Variants in ALDH3B2 observed in about 807,000 individuals in gnomAD.
ALDH3B2 encodes aldehyde dehydrogenase 3 family member B2.
In ALDH3B2, 45 loss-of-function variants were observed where a neutral mutation model predicts 36.7. The observed-to-expected ratio is 1.23, with a 90% CI of 0.97 to 1.57. The LOEUF (loss-of-function observed/expected upper bound fraction) is 1.57, where lower values mean the gene tolerates loss of function less well. Ranked by LOEUF, ALDH3B2 falls within the 40% of genes most tolerant of loss-of-function variation. The pLI, the probability that ALDH3B2 is intolerant of heterozygous loss-of-function variation, is 0.00. For synonymous variants in ALDH3B2, 217 were observed against 226.5 expected (o/e 0.96, Z 0.38); for missense variants, 464 against 513.3 (o/e 0.90, Z 0.93).
upstream of ALDH3B2, among the ~76,000 whole-genome samples, chr11:67,677,780 C>G (rs1264404932): frequency 6.6e-6 from 1 of 152,050 alleles, no homozygotes; most frequent in Non-Finnish European, 1.5e-5. Context: ...TTAATGTACA[C>G]AAATCAGTAG....
upstream of ALDH3B2, among the ~76,000 whole-genome samples, chr11:67,675,170 C>A (rs1258867633): frequency 6.6e-6 from 1 of 152,208 alleles, no homozygotes; most frequent in African/African-American, 2.4e-5. Context: ...TGGGCGACGG[C>A]ACCTGTAGCT....
exon 7 of ALDH3B2, chr11:67,665,426 G>T: frequency 6.2e-7 from 1 of 1,614,096 alleles, no homozygotes; most frequent in South Asian, 1.1e-5. Context: ...CCATAGAAAC[G>T]GGTGATGGTG....
At chr11:67,666,926 C>T (rs1855937206) in exon 3 of ALDH3B2, 1 of 1,614,086 alleles carries the variant, frequency 6.2e-7, no homozygotes, top group African/African-American at 1.3e-5. Context: ...GACCGTGGTT[C>T]ATCCTTCATC....
chr11:67,666,398 C>T (rs1551888), exon 5 of ALDH3B2: 1,441,273 of 1,606,220 alleles, frequency 0.9, 648,247 homozygotes, highest in South Asian at 0.95. Flanking sequence ...CACCACGCAA[C>T]TCCCTGCAGG....
At chr11:67,678,352 A>G (rs938655472), upstream of ALDH3B2, among the ~76,000 whole-genome samples, 2 of 152,210 alleles carry the variant, frequency 1.3e-5, no homozygotes, top group African/African-American at 2.4e-5. Flanking sequence ...ACAAATAAAC[A>G]AAAACATAAA....
chr11:67,664,610 C>G (rs1855846619), intron 7 of ALDH3B2, 48 bp from the exon 8 acceptor site: 1 of 1,602,292 alleles, frequency 6.2e-7, no homozygotes, highest in African/African-American at 1.3e-5. Context: ...GTCAGGACTG[C>G]CCCCAGGGGT....
At chr11:67,672,102 TTGTGTGTGTG>T (rs71058721) in intron 1 of ALDH3B2, among the ~76,000 whole-genome samples, 7 of 49,978 alleles carry the variant, frequency 1.4e-4, no homozygotes, top group African/African-American at 2.1e-4. Context: ...TGTATGTATT[TTGTGTGTGTG>T]TGTGTGTGTG....
exon 2 of ALDH3B2, chr11:67,667,566 G>T: frequency 2.6e-6 from 1 of 382,022 alleles, no homozygotes; most frequent in Non-Finnish European, 4.6e-6. Context: ...CCCGGAACTC[G>T]GCCGGCCGCG....
At chr11:67,673,323 C>A (rs1338744809) in intron 1 of ALDH3B2, among the ~76,000 whole-genome samples, 3 of 152,192 alleles carry the variant, frequency 2.0e-5, no homozygotes, top group Non-Finnish European at 4.4e-5. Context: ...CATAGGTGAC[C>A]ACCCCAGACT....
intron 1 of ALDH3B2, chr11:67,671,359 T>G (rs937164377): frequency 1.3e-5 from 2 of 152,296 alleles, no homozygotes; most frequent in Admixed American, 1.3e-4. Context: ...GGGCTGGAGC[T>G]GGACCCAAGC....
At chr11:67,665,819 T>C in intron 6 of ALDH3B2, 148 bp from the exon 7 acceptor site, 2 of 1,272,866 alleles carry the variant, frequency 1.6e-6, no homozygotes, top group East Asian at 4.7e-5. Flanking sequence ...CAACTGGCCT[T>C]GACCACACAC....
intron 6 of ALDH3B2, among the ~76,000 whole-genome samples, chr11:67,665,891 C>G (rs1855894273): frequency 6.6e-6 from 1 of 152,180 alleles, no homozygotes; most frequent in Admixed American, 6.5e-5. Context: ...TCACCCTTCT[C>G]CTGGCCGGTC....
At position 67,665,959 on chromosome 11, in the gene ALDH3B2, A is replaced by G. The variant is rs567664358; in HGVS notation, c.319+163T>C. Among the ~76,000 whole-genome samples the G allele has an allele frequency of 3.3e-5, 5 of 152,238 alleles. No homozygotes were observed. In the East Asian group the frequency reaches 9.6e-4, roughly 29 times the overall value. On this transcript the variant is annotated intron_variant, in intron 6 of 9. Coordinates refer to ENST00000349015, the Ensembl canonical transcript of ALDH3B2. ...GCCACTCCTGGATCCAGTTGCTGCAATGTGCCCAGGGCGTGGCCTATGCAG... is the reference window on the plus strand; with the variant it reads ...GCCACTCCTGGATCCAGTTGCTGCAGTGTGCCCAGGGCGTGGCCTATGCAG...
At chr11:67,680,132 G>A (rs887093132) in intron 1 of ALDH3B2, among the ~76,000 whole-genome samples, 1 of 152,054 alleles carries the variant, frequency 6.6e-6, no homozygotes, top group Non-Finnish European at 1.5e-5. Flanking sequence ...TGACCAACAT[G>A]ATGAAACCCC....
At chr11:67,674,831 T>C (rs1856230019), upstream of ALDH3B2, 1 of 152,288 alleles carries the variant, frequency 6.6e-6, no homozygotes, top group African/African-American at 2.4e-5. Context: ...TGCTCTGTGT[T>C]TCCTGGAATG....
At chr11:67,675,244 C>T (rs925473269), upstream of ALDH3B2, among the ~76,000 whole-genome samples, 4 of 152,160 alleles carry the variant, frequency 2.6e-5, no homozygotes, top group Admixed American at 6.5e-5. Flanking sequence ...GGTTACTTAA[C>T]GTCTCTGAGC....
At chr11:67,676,545 C>G (rs1337764811), upstream of ALDH3B2, among the ~76,000 whole-genome samples, 1 of 151,478 alleles carries the variant, frequency 6.6e-6, no homozygotes, top group African/African-American at 2.4e-5. Context: ...CCTCAAGGAA[C>G]AGAGGAACGA....
intron 7 of ALDH3B2, among the ~76,000 whole-genome samples, chr11:67,664,784 C>G (rs939115723): frequency 6.6e-6 from 1 of 152,212 alleles, no homozygotes; most frequent in African/African-American, 2.4e-5. Flanking sequence ...GCCTGTGGGG[C>G]GCAGAGAATC....
chr11:67,669,866 CTG>C (rs1403845908), intron 1 of ALDH3B2, among the ~76,000 whole-genome samples: 1 of 110,050 alleles, frequency 9.1e-6, no homozygotes, highest in East Asian at 2.8e-4. Context: ...CCACGTGTGT[CTG>C]TGTGTGTATG....
Sources: gnomAD v4.1 joint callset for allele counts (sites outside exome capture counted in the v4.1 genomes callset) on GRCh38, gnomAD v4.1.1 for gene constraint, MANE v1.5 for transcripts, NCBI Gene and HGNC (gene_info 2026-07-23, HGNC 2026-07-21) for gene names.